Variants in APBB2 observed in about 807,000 individuals in gnomAD.
APBB2 encodes the protein Fe65-like 1.
Under a neutral mutation model 82.5 loss-of-function variants are expected in APBB2, and 38 were observed. That is an observed-to-expected ratio of 0.46 (90% CI 0.36 to 0.60). The LOEUF (loss-of-function observed/expected upper bound fraction) is 0.60, where lower values mean the gene tolerates loss of function less well. Among genes scored for constraint, APBB2 ranks in the 20% least tolerant of loss-of-function variants. APBB2 has a pLI of 0.00. For missense variants in APBB2, 772 were observed against 972.3 expected, an observed-to-expected ratio of 0.79 and a Z score of 2.74; for synonymous variants, 341 against 368.2, an observed-to-expected ratio of 0.93 and a Z score of 0.85.
At chr4:40,933,155 C>T (rs551432196) in intron 10 of APBB2, among the ~76,000 whole-genome samples, 32 of 152,362 alleles carry the variant, frequency 2.1e-4, no homozygotes, top group Admixed American at 5.9e-4. Flanking sequence ...TAAGGCACCA[C>T]ATCTGGCCGT....
intron 10 of APBB2, among the ~76,000 whole-genome samples, chr4:40,908,599 G>T (rs935698953): frequency 1.3e-5 from 2 of 152,012 alleles, no homozygotes. Context: ...GCTACACCCG[G>T]CTGGCACCGG....
At chr4:41,207,377 A>T (rs1160277207) in intron 1 of APBB2, among the ~76,000 whole-genome samples, 2 of 152,164 alleles carry the variant, frequency 1.3e-5, no homozygotes, top group African/African-American at 2.4e-5. Context: ...GATACTGCAG[A>T]GGTCTGGGCC....
intron 12 of APBB2, chr4:40,880,998 C>A (rs1396541743): frequency 5.1e-6 from 5 of 985,304 alleles, no homozygotes; most frequent in Non-Finnish European, 1.2e-6. Flanking sequence ...GGAAACTGTT[C>A]TTGGACAATC....
chr4:41,120,397 C>CTCAA (rs1752449380), intron 2 of APBB2, among the ~76,000 whole-genome samples: 1 of 152,110 alleles, frequency 6.6e-6, no homozygotes, highest in African/African-American at 2.4e-5. Context: ...CCCCAAAGGC[C>CTCAA]CCACAACCAC....
rs1744446232 is a variant in APBB2, at chr4:40,811,667, T to C, written c.*4425A>G. The stretch of plus-strand genomic sequence containing the variant: ...TTGAGATAAAAGTGCTGCAAAATTC[T>C]AAATAATGAAATTACTAGTATTCAG... On this transcript the variant is annotated 3_prime_UTR_variant, in exon 18 of 18. Transcript: ENST00000508593. The C allele has an allele frequency of 6.6e-6, 1 of 152,216 alleles. No homozygotes were observed. The highest frequency in any genetic ancestry group is 1.5e-5 in the Non-Finnish European group (1 of 68,026). 9.4% of individuals were successfully genotyped at this position (152,216 alleles called of 1,614,324 possible). A position where few individuals can be genotyped will look rare whatever the true frequency, so the allele number is the denominator to read the frequency against.
intron 6 of APBB2, among the ~76,000 whole-genome samples, chr4:40,991,011 A>T (rs57717790): frequency 0.4 from 51,728 of 130,362 alleles, 10,401 homozygotes; most frequent in East Asian, 0.62. Flanking sequence ...ACTGAGTTTC[A>T]TTTTTTTTTT....
intron 17 of APBB2, among the ~76,000 whole-genome samples, chr4:40,818,629 C>T (rs539818085): frequency 3.9e-5 from 6 of 152,278 alleles, no homozygotes; most frequent in Non-Finnish European, 5.9e-5. Flanking sequence ...CACCTGACTC[C>T]TCTACTGTCC....
chr4:40,843,011 G>C (rs1333859122), intron 12 of APBB2, among the ~76,000 whole-genome samples: 1 of 152,084 alleles, frequency 6.6e-6, no homozygotes, highest in Non-Finnish European at 1.5e-5. Context: ...GTCTGGTTGG[G>C]GCCACACTCT....
intron 6 of APBB2, among the ~76,000 whole-genome samples, chr4:40,963,294 C>T (rs961567347): frequency 3.3e-5 from 5 of 152,060 alleles, no homozygotes; most frequent in Admixed American, 6.6e-5. Flanking sequence ...TTGCCCAGGC[C>T]GGTGGGCAGT....
At chr4:40,969,949 G>C (rs901528957) in intron 6 of APBB2, among the ~76,000 whole-genome samples, 3 of 152,072 alleles carry the variant, frequency 2.0e-5, no homozygotes, top group African/African-American at 7.2e-5. Flanking sequence ...ACATACTTAA[G>C]TGCTGTATAA....
intron 6 of APBB2, among the ~76,000 whole-genome samples, chr4:40,971,917 G>A (rs554137043): frequency 8.3e-4 from 126 of 152,236 alleles, no homozygotes; most frequent in Middle Eastern, 3.4e-3. Flanking sequence ...TCAGATTTGA[G>A]CTTCAACTTT....
chr4:40,875,761 G>A (rs1295885481), intron 12 of APBB2, among the ~76,000 whole-genome samples: 3 of 151,320 alleles, frequency 2.0e-5, no homozygotes, highest in African/African-American at 7.3e-5. Context: ...TTAATTTGTA[G>A]AACATTAATA....
At chr4:40,850,773 CT>C (rs1759077247) in intron 12 of APBB2, among the ~76,000 whole-genome samples, 1 of 151,908 alleles carries the variant, frequency 6.6e-6, no homozygotes, top group Non-Finnish European at 1.5e-5. Context: ...GAGACCTCAG[CT>C]CTAAAAAAAA....
chr4:40,879,166 CT>C (rs1767696784), intron 12 of APBB2, among the ~76,000 whole-genome samples: 3 of 122,454 alleles, frequency 2.4e-5, no homozygotes, highest in Admixed American at 2.3e-4. Context: ...CTACTGTCTT[CT>C]TATCTTAAGA....
rs187625418 is a variant in APBB2, at chr4:40,941,980, G to A, written c.1044+2885C>T. Among the ~76,000 whole-genome samples the A allele has an allele frequency of 2.0e-5, 3 of 152,196 alleles. No individual in the cohort carries two copies. The East Asian group carries it at 5.8e-4, about 29-fold the overall frequency. On this transcript the variant is annotated intron_variant, in intron 7 of 17. Coordinates refer to ENST00000508593, the MANE Select transcript of APBB2 (RefSeq NM_004307.2). ...GAGTAAAGAGTTAAGGCATTAGGCT[G>A]GACTGTAAATATTTGATTTCTCTTA...
chr4:41,081,691 C>A (rs1737680597), intron 3 of APBB2, among the ~76,000 whole-genome samples: 1 of 152,176 alleles, frequency 6.6e-6, no homozygotes, highest in Admixed American at 6.5e-5. Flanking sequence ...CTACTTCCAA[C>A]CAACACAAGT....
At chr4:40,909,567 T>G (rs1777991988) in intron 10 of APBB2, among the ~76,000 whole-genome samples, 1 of 152,186 alleles carries the variant, frequency 6.6e-6, no homozygotes, top group Non-Finnish European at 1.5e-5. Flanking sequence ...GCTGGCATTA[T>G]GAGTCCTATT....
chr4:41,060,388 T>C (rs868267250), intron 4 of APBB2, among the ~76,000 whole-genome samples: 5 of 152,314 alleles, frequency 3.3e-5, no homozygotes, highest in Middle Eastern at 6.8e-3. Context: ...ACTTCATTCA[T>C]TCATCCATTC....
chr4:40,843,535 G>C (rs12644365), intron 12 of APBB2, among the ~76,000 whole-genome samples: 67 of 152,264 alleles, frequency 4.4e-4, no homozygotes, highest in Admixed American at 1.1e-3. Context: ...TATAATACCC[G>C]AACTGTCAAC....
Sources: gnomAD v4.1 joint callset for allele counts (sites outside exome capture counted in the v4.1 genomes callset) on GRCh38, gnomAD v4.1.1 for gene constraint, MANE v1.5 for transcripts, NCBI Gene and HGNC (gene_info 2026-07-23, HGNC 2026-07-21) for gene names.